RPH3A: variants seen among roughly 807,000 people sequenced by gnomAD.
The protein encoded by RPH3A is rabphilin-3A.
RPH3A carries 48 observed loss-of-function variants against 102.2 expected under a neutral mutation model. The ratio of observed to expected loss-of-function variants is 0.47; its 90% CI spans 0.37 to 0.60. The LOEUF (loss-of-function observed/expected upper bound fraction) is 0.60. RPH3A is among the 20% of genes least tolerant of loss of function. The probability of loss-of-function intolerance (pLI) is 0.00; values close to 1 mark genes in which losing one functional copy is unlikely to be tolerated. For missense variants in RPH3A, 781 were observed against 910.1 expected (o/e 0.86, Z 1.83); for synonymous variants, 310 against 324.3 (o/e 0.96, Z 0.47).
In RPH3A at chr12:112,713,049, CTCCTTCTT is replaced by C. The variant is rs1565857466; in HGVS notation, c.-139-79093_-139-79086del. ...TCTTCTTCTTCTTCTTCTTCTTCTT[CTCCTTCTT>C]CTTCTTCTTCTTCTTCTTCTTCTTC... is the stretch of plus-strand genomic sequence containing the variant. On this transcript the variant is annotated intron_variant, in intron 1 of 21. Transcript: ENST00000543106. 7.9e-4 allele frequency among the ~76,000 whole-genome samples: 54 copies of C among 68,388 alleles called. 3 individuals are homozygous for C. Among genetic ancestry groups the C allele is most frequent in the East Asian group, 3.1e-3 (9 of 2,948 alleles). The allele number at this position is 68,388 out of a possible 152,430, so 44.9% of individuals were successfully genotyped here. A position where few individuals can be genotyped will look rare whatever the true frequency, so the allele number is the denominator to read the frequency against.
intron 4 of RPH3A, among the ~76,000 whole-genome samples, chr12:112,845,475 C>A (rs2042214359): frequency 6.6e-6 from 1 of 152,200 alleles, no homozygotes. Context: ...TGCTAGGGCC[C>A]ATCCTAGGGC....
rs969451397 is a variant in RPH3A, at chr12:112,875,547, G to A, written c.884-132G>A. On this transcript the variant is annotated intron_variant, in intron 11 of 21. Transcript: ENST00000389385. The stretch of plus-strand genomic sequence containing the variant: ...CAAAAGCTCCTCTCCCAGTGGGACT[G>A]TTTCTGCAGCCTCGGGTACCTTTCT... The A allele has an allele frequency of 1.6e-5, 12 of 732,652 alleles. No individual in the cohort carries two copies. The Middle Eastern group carries it at 9.8e-4, about 60-fold the overall frequency. The allele number at this position is 732,652 out of a possible 1,614,324, so 45.4% of individuals were successfully genotyped here.
At chr12:112,722,878 A>G (rs531698865) in intron 1 of RPH3A, among the ~76,000 whole-genome samples, 103 of 152,330 alleles carry the variant, frequency 6.8e-4, no homozygotes, top group African/African-American at 2.3e-3. Flanking sequence ...GACTCATTTT[A>G]TACAAGAAGT....
chr12:112,701,583 G>A (rs920148282), intron 1 of RPH3A, among the ~76,000 whole-genome samples: 1 of 152,166 alleles, frequency 6.6e-6, no homozygotes, highest in Non-Finnish European at 1.5e-5. Context: ...AGCTGAGTGT[G>A]GGAGGATGTT....
At chr12:112,788,478 G>T (rs1159151814), upstream of RPH3A, among the ~76,000 whole-genome samples, 1 of 152,194 alleles carries the variant, frequency 6.6e-6, no homozygotes, top group African/African-American at 2.4e-5. Context: ...CCTGAGATTT[G>T]CATCCCTGCC....
At chr12:112,850,718 G>C (rs1373746056) in intron 5 of RPH3A, 1 of 152,210 alleles carries the variant, frequency 6.6e-6, no homozygotes, top group Non-Finnish European at 1.5e-5. Context: ...GATCAGAGAA[G>C]AGTCAGATGA....
At chr12:112,808,086 GCTCTTATTCAAAACCTTACC>G (rs2041503253) in intron 2 of RPH3A, among the ~76,000 whole-genome samples, 1 of 152,092 alleles carries the variant, frequency 6.6e-6, no homozygotes, top group African/African-American at 2.4e-5. Context: ...AATGATCTTT[GCTCTTATTCAAAACCTTACC>G]CTCTCCCCAG....
At chr12:112,593,354 C>T (rs754873918) in intron 1 of RPH3A, among the ~76,000 whole-genome samples, 13 of 152,134 alleles carry the variant, frequency 8.5e-5, no homozygotes, top group Non-Finnish European at 1.3e-4. Context: ...TTAAAACACC[C>T]GGATTTCTGA....
intron 5 of RPH3A, among the ~76,000 whole-genome samples, chr12:112,861,212 A>G (rs1389179571): frequency 6.6e-6 from 1 of 152,180 alleles, no homozygotes; most frequent in Non-Finnish European, 1.5e-5. Context: ...ATGCAACCCA[A>G]TGCCTCCTAT....
At chr12:112,817,143 G>A (rs1034920829) in intron 2 of RPH3A, among the ~76,000 whole-genome samples, 4 of 152,124 alleles carry the variant, frequency 2.6e-5, no homozygotes, top group African/African-American at 7.2e-5. Flanking sequence ...TTAGTCTCTG[G>A]ATCTTCAAAT....
At chr12:112,837,716 T>C in intron 4 of RPH3A, 2 of 455,810 alleles carry the variant, frequency 4.4e-6, no homozygotes, top group South Asian at 3.1e-5. Flanking sequence ...TGAGTCATTG[T>C]CAGATGACAA....
intron 1 of RPH3A, among the ~76,000 whole-genome samples, chr12:112,699,332 T>C (rs1415653765): frequency 2.6e-5 from 4 of 152,222 alleles, no homozygotes; most frequent in South Asian, 2.1e-4. Context: ...TGTTTGGGAA[T>C]GTCTAGAGAA....
chr12:112,879,874 C>T (rs2042877037), intron 14 of RPH3A, among the ~76,000 whole-genome samples: 1 of 152,194 alleles, frequency 6.6e-6, no homozygotes. Flanking sequence ...CTGACCATTC[C>T]TAGCTGTGTG....
At chr12:112,846,859 C>T (rs563163024) in intron 4 of RPH3A, among the ~76,000 whole-genome samples, 1 of 152,340 alleles carries the variant, frequency 6.6e-6, no homozygotes, top group South Asian at 2.1e-4. Context: ...GGCCACAGAT[C>T]CCATTCTTTC....
At chr12:112,710,481 G>A (rs374444599) in intron 1 of RPH3A, among the ~76,000 whole-genome samples, 5 of 152,176 alleles carry the variant, frequency 3.3e-5, no homozygotes, top group East Asian at 1.9e-4. Context: ...GTCCCCAGGC[G>A]GCCATTCCAT....
At chr12:112,690,339 C>G (rs1209000486) in intron 1 of RPH3A, among the ~76,000 whole-genome samples, 1 of 152,206 alleles carries the variant, frequency 6.6e-6, no homozygotes, top group African/African-American at 2.4e-5. Flanking sequence ...AGGGGCTCAG[C>G]CACCCCTTTT....
chr12:112,888,490 T>C (rs989688901), intron 17 of RPH3A, among the ~76,000 whole-genome samples: 40 of 152,216 alleles, frequency 2.6e-4, no homozygotes, highest in Admixed American at 1.7e-3. Flanking sequence ...TTTAAGAGTA[T>C]GGGCTCTGCA....
At chr12:112,849,519 C>T (rs1331103287) in intron 5 of RPH3A, among the ~76,000 whole-genome samples, 4 of 151,960 alleles carry the variant, frequency 2.6e-5, no homozygotes, top group Non-Finnish European at 4.4e-5. Context: ...TAAAGGTAAA[C>T]GGTGAAAGCA....
chr12:112,661,467 C>A (rs2040048228), intron 1 of RPH3A, among the ~76,000 whole-genome samples: 1 of 152,180 alleles, frequency 6.6e-6, no homozygotes, highest in South Asian at 2.1e-4. Flanking sequence ...GAGGACCTAG[C>A]AGATAACTGG....
Sources: allele counts gnomAD v4.1 joint callset (sites outside exome capture counted in the v4.1 genomes callset), GRCh38; gene constraint gnomAD v4.1.1; transcripts MANE v1.5; gene names NCBI Gene and HGNC (gene_info 2026-07-23, HGNC 2026-07-21).